The following MTBP variants were observed in gnomAD, a reference collection of about 807,000 sequenced individuals.
MTBP encodes the protein mdm2-binding protein.
Under a neutral mutation model 117.0 loss-of-function variants are expected in MTBP, and 101 were observed. The observed-to-expected ratio is 0.86, with a 90% confidence interval of 0.73 to 1.02. The LOEUF (loss-of-function observed/expected upper bound fraction) is 1.02, where lower values mean the gene tolerates loss of function less well. Ranked by LOEUF, MTBP falls within the 50% of genes least tolerant of loss-of-function variation. MTBP has a pLI of 0.00. For missense variants in MTBP, 970 were observed against 1,030.9 expected (o/e 0.94, Z 0.81); for synonymous variants, 350 against 351.5 (o/e 1.00, Z 0.05).
At chr8:120,469,413 C>T (rs755862333) in intron 10 of MTBP, among the ~76,000 whole-genome samples, 2 of 152,192 alleles carry the variant, frequency 1.3e-5, no homozygotes, top group Non-Finnish European at 2.9e-5. Flanking sequence ...AGTTCTTCTG[C>T]AACTTCTTGT....
chr8:120,485,859 T>C (rs969732055), intron 11 of MTBP, among the ~76,000 whole-genome samples: 16 of 152,214 alleles, frequency 1.1e-4, no homozygotes, highest in African/African-American at 3.4e-4. Context: ...GGTGTCACTC[T>C]TCAGAGGGTG....
At chr8:120,450,176 G>A (rs1273713267) in intron 2 of MTBP, among the ~76,000 whole-genome samples, 2 of 152,104 alleles carry the variant, frequency 1.3e-5, no homozygotes, top group African/African-American at 2.4e-5. Context: ...GAGGAGGTGT[G>A]GGGGATAACA....
Position 120,509,942 on chromosome 8 carries a change from CTT to C in MTBP, c.1895_1896del (p.Phe632CysfsTer7), listed in dbSNP as rs1311603553. ...AAAATTTTTTGTTTCAGGGAAAAGA[CTT>C]TTGTTTTGACACCAGAACTTAGTCC... On this transcript the variant is annotated frameshift_variant, in exon 17 of 22. Coordinates refer to ENST00000305949, the MANE Select transcript of MTBP (RefSeq NM_022045.5). LOFTEE classifies it high-confidence loss of function. The C allele has an allele frequency of 1.2e-6, 2 of 1,608,312 alleles. No homozygotes were observed. The highest frequency in any genetic ancestry group is 8.5e-7 in the Non-Finnish European group (1 of 1,177,696).
intron 12 of MTBP, among the ~76,000 whole-genome samples, chr8:120,489,645 A>T (rs1311704508): frequency 6.6e-6 from 1 of 152,196 alleles, no homozygotes; most frequent in African/African-American, 2.4e-5. Flanking sequence ...GTGACAGAAC[A>T]CACTCACATG....
chr8:120,454,630 G>C (rs1311932001), intron 5 of MTBP, among the ~76,000 whole-genome samples: 2 of 151,964 alleles, frequency 1.3e-5, no homozygotes, highest in Non-Finnish European at 2.9e-5. Context: ...ACATAAAGGA[G>C]CTTTTAGCTT....
chr8:120,506,621 GAC>G, intron 15 of MTBP, 83 bp from the exon 16 acceptor site: 1 of 1,029,440 alleles, frequency 9.7e-7, no homozygotes, highest in Non-Finnish European at 1.3e-6. Context: ...TTCTTTTCCC[GAC>G]TGTGCTTTTT....
At chr8:120,518,577 A>G (rs181072459) in intron 19 of MTBP, 127 bp from the exon 20 acceptor site, 172 of 571,654 alleles carry the variant, frequency 3.0e-4, no homozygotes, top group Non-Finnish European at 4.4e-4. Flanking sequence ...ATTTTGTCTT[A>G]ATGAACCTGT....
At chr8:120,501,440 T>TACTGCC (rs1283052103) in intron 14 of MTBP, among the ~76,000 whole-genome samples, 1 of 151,702 alleles carries the variant, frequency 6.6e-6, no homozygotes, top group Non-Finnish European at 1.5e-5. Flanking sequence ...TCCCAGCTAC[T>TACTGCC]TGGGAGCCTG....
chr8:120,449,680 A>T (rs1813298120), intron 2 of MTBP, among the ~76,000 whole-genome samples: 1 of 152,184 alleles, frequency 6.6e-6, no homozygotes, highest in African/African-American at 2.4e-5. Flanking sequence ...AGAACTGAAC[A>T]CCAGTTTTTA....
intron 7 of MTBP, among the ~76,000 whole-genome samples, chr8:120,458,619 C>A (rs1813518934): frequency 6.6e-6 from 1 of 152,016 alleles, no homozygotes; most frequent in Admixed American, 6.6e-5. Flanking sequence ...GCAGGTGGAT[C>A]ACCCGAGGTC....
In MTBP at chr8:120,522,669, A is replaced by T. The variant is rs753825471; in HGVS notation, c.2626A>T (p.Arg876Trp). 6.2e-7 allele frequency: 1 copy of T among 1,604,730 alleles called. No homozygotes were observed. The highest frequency in any genetic ancestry group is 8.5e-7 in the Non-Finnish European group (1 of 1,173,442). The change falls in exon 21 of 22, where the codon AGG becomes TGG. Residue 876 changes from arginine (R) to tryptophan (W), a missense_variant. Transcript: ENST00000305949. ...TTATGTTTAGGATCTTAAAACTTCA[A>T]GGGGTCTATTTGAAGAAATGAAGAA... ...KFYLKDLKTS[R>W]GLFEEMKKTA...
intron 5 of MTBP, 118 bp downstream of exon 5, chr8:120,454,023 C>A: frequency 1.9e-6 from 1 of 530,102 alleles, no homozygotes. Context: ...TTAAAAAATG[C>A]AAAACAATTT....
In MTBP at chr8:120,482,993, C is replaced by A. The variant is rs547969507; in HGVS notation, c.1166-5166C>A. 2.0e-5 allele frequency among the ~76,000 whole-genome samples: 3 copies of A among 151,348 alleles called. No homozygotes were observed. The South Asian group carries it at 6.3e-4, about 32-fold the overall frequency. On this transcript the variant is annotated intron_variant, in intron 11 of 21. Coordinates refer to ENST00000305949, the MANE Select transcript of MTBP (RefSeq NM_022045.5). The stretch of plus-strand genomic sequence containing the variant: ...GGATTACAGGAATGAGCCACCGCAC[C>A]CGGACAGTACTATCTTTTTTTTTTT...
intron 12 of MTBP, 85 bp downstream of exon 12, chr8:120,488,417 T>A: frequency 1.0e-6 from 1 of 984,050 alleles, no homozygotes; most frequent in Non-Finnish European, 1.4e-6. Flanking sequence ...GAAGAAATAC[T>A]AAACATTTAA....
intron 11 of MTBP, among the ~76,000 whole-genome samples, chr8:120,479,943 T>A (rs894772471): frequency 2.0e-5 from 3 of 151,210 alleles, no homozygotes; most frequent in Non-Finnish European, 4.4e-5. Flanking sequence ...TCTAAATGAG[T>A]AGAAGGAAAG....
intron 10 of MTBP, 60 bp from the exon 11 acceptor site, chr8:120,470,760 G>A: frequency 8.4e-7 from 1 of 1,195,038 alleles, no homozygotes; most frequent in Non-Finnish European, 1.2e-6. Flanking sequence ...TTGTCAACTG[G>A]CACTATTCAA....
At chr8:120,485,582 AT>A (rs1814195888) in intron 11 of MTBP, among the ~76,000 whole-genome samples, 1 of 151,940 alleles carries the variant, frequency 6.6e-6, no homozygotes, top group South Asian at 2.1e-4. Flanking sequence ...CGTATTTATA[AT>A]GTTTGCTTTG....
At chr8:120,508,545 C>T (rs748878852) in intron 16 of MTBP, among the ~76,000 whole-genome samples, 5 of 151,996 alleles carry the variant, frequency 3.3e-5, no homozygotes, top group Admixed American at 1.3e-4. Flanking sequence ...ATAATGTCTG[C>T]TTTTTAGGAT....
At chr8:120,489,080 C>T (rs1007255411) in intron 12 of MTBP, among the ~76,000 whole-genome samples, 1 of 129,316 alleles carries the variant, frequency 7.7e-6, no homozygotes, top group Non-Finnish European at 1.6e-5. Flanking sequence ...TCCTCTGTCA[C>T]CAGGCTAGAG....
Sources: gnomAD v4.1 joint callset for allele counts (sites outside exome capture counted in the v4.1 genomes callset) on GRCh38, gnomAD v4.1.1 for gene constraint, MANE v1.5 for transcripts, NCBI Gene and HGNC (gene_info 2026-07-23, HGNC 2026-07-21) for gene names.